Variants in PKHD1 observed in about 807,000 individuals in gnomAD.
PKHD1 encodes the protein PKHD1 ciliary IPT domain containing fibrocystin/polyductin, also known as fibrocystin.
A neutral mutation model predicts 412.0 loss-of-function variants in PKHD1; 291 were observed. The observed-to-expected ratio is 0.71, with a 90% CI of 0.64 to 0.78. The LOEUF (loss-of-function observed/expected upper bound fraction) is 0.78. Ranked by LOEUF, PKHD1 falls within the 30% of genes least tolerant of loss-of-function variation. The probability of loss-of-function intolerance (pLI) is 0.00; values close to 1 mark genes in which losing one functional copy is unlikely to be tolerated. For missense variants in PKHD1, 4,825 were observed against 4,950.7 expected, an observed-to-expected ratio of 0.97 and a Z score of 0.76; for synonymous variants, 1,777 against 1,821.5, an observed-to-expected ratio of 0.98 and a Z score of 0.62.
intron 50 of PKHD1, among the ~76,000 whole-genome samples, chr6:51,841,366 C>T (rs1220992816): frequency 9.7e-6 from 1 of 102,570 alleles, no homozygotes; most frequent in Non-Finnish European, 2.2e-5. Flanking sequence ...TCTAAGTTTC[C>T]TTCCCTTTCC....
At chr6:52,069,824 C>T (rs1810330792) in intron 10 of PKHD1, among the ~76,000 whole-genome samples, 1 of 152,126 alleles carries the variant, frequency 6.6e-6, no homozygotes, top group Non-Finnish European at 1.5e-5. Flanking sequence ...ACTCAATAGA[C>T]ATTAATTTTA....
intron 22 of PKHD1, among the ~76,000 whole-genome samples, chr6:52,049,033 C>A (rs557225785): frequency 6.6e-6 from 1 of 152,094 alleles, no homozygotes; most frequent in Non-Finnish European, 1.5e-5. Context: ...GCTGTAGGTA[C>A]GAGAACTCAT....
chr6:51,997,559 T>C (rs1797850693), intron 35 of PKHD1, among the ~76,000 whole-genome samples: 1 of 152,254 alleles, frequency 6.6e-6, no homozygotes, highest in Admixed American at 6.5e-5. Context: ...GGAAAGTTTC[T>C]TGATGCACAA....
chr6:51,781,592 A>C (rs1792017537), intron 53 of PKHD1, among the ~76,000 whole-genome samples: 1 of 152,120 alleles, frequency 6.6e-6, no homozygotes, highest in South Asian at 2.1e-4. Flanking sequence ...TAGGCACAAT[A>C]ATAGCATCCA....
Position 52,082,408 on chromosome 6 carries a change from C to G in PKHD1, c.265G>C (p.Val89Leu), listed in dbSNP as rs1393280209. Residue 89 changes from valine (V) to leucine (L), a missense_variant, in exon 4 of 67, where the codon GTG becomes CTG. Coordinates refer to ENST00000371117, the MANE Select transcript of PKHD1 (RefSeq NM_138694.4). The stretch of plus-strand genomic sequence containing the variant: ...CAGGTATACCTGGTCCGGCATGTCA[C>G]CACAGGCAAATCCAAGAAAACAGGA... ...VFPVFLDLPV[V>L]TCRTRSVLSE... 6.2e-7 allele frequency: 1 copy of G among 1,614,100 alleles called. No individual in the cohort carries two copies.
chr6:51,682,267 C>T (rs1275134660), intron 60 of PKHD1: 1 of 452,758 alleles, frequency 2.2e-6, no homozygotes, highest in Non-Finnish European at 4.4e-6. Flanking sequence ...AGAAACATAA[C>T]ACAATTTTCT....
At chr6:51,882,254 G>GA (rs143562741) in intron 46 of PKHD1, among the ~76,000 whole-genome samples, 179 of 150,150 alleles carry the variant, frequency 1.2e-3, no homozygotes, top group South Asian at 1.7e-3. Context: ...CTTTTAGAGG[G>GA]AAAAAAAAAC....
intron 35 of PKHD1, among the ~76,000 whole-genome samples, chr6:52,008,313 C>T (rs1799352382): frequency 6.6e-6 from 1 of 152,224 alleles, no homozygotes; most frequent in Non-Finnish European, 1.5e-5. Context: ...TGGCATCCAA[C>T]ATTCCACCCA....
chr6:51,863,861 T>C (rs1774611867), intron 48 of PKHD1, among the ~76,000 whole-genome samples: 2 of 152,204 alleles, frequency 1.3e-5, no homozygotes, highest in Non-Finnish European at 2.9e-5. Context: ...TTTTTATTTA[T>C]ATTTTTTTAC....
intron 4 of PKHD1, among the ~76,000 whole-genome samples, chr6:52,080,927 A>G (rs577799432): frequency 6.6e-6 from 1 of 152,310 alleles, no homozygotes; most frequent in South Asian, 2.1e-4. Context: ...ATTTTAAATT[A>G]CATTTGTGTT....
At chr6:51,691,512 TGA>T (rs1778153935) in intron 60 of PKHD1, among the ~76,000 whole-genome samples, 1 of 152,088 alleles carries the variant, frequency 6.6e-6, no homozygotes, top group Non-Finnish European at 1.5e-5. Context: ...GCAAGGACAT[TGA>T]TGAAGCTGAA....
chr6:51,764,392 A>G (rs1183426009), intron 55 of PKHD1, among the ~76,000 whole-genome samples: 1 of 148,554 alleles, frequency 6.7e-6, no homozygotes, highest in Non-Finnish European at 1.5e-5. Flanking sequence ...TAGAATGGCA[A>G]TCATTAAAAA....
At chr6:52,069,371 T>A (rs771916881) in intron 11 of PKHD1, 86 bp downstream of exon 11, 18 of 959,712 alleles carry the variant, frequency 1.9e-5, no homozygotes, top group Non-Finnish European at 3.1e-5. Context: ...TTAATGGTCA[T>A]CAAGAAATGG....
intron 43 of PKHD1, among the ~76,000 whole-genome samples, chr6:51,896,134 A>G (rs1779920709): frequency 6.6e-6 from 1 of 152,202 alleles, no homozygotes; most frequent in Non-Finnish European, 1.5e-5. Flanking sequence ...TAAACAAAGC[A>G]GCCCGGAAGC....
chr6:51,715,810 T>C (rs954531305), intron 60 of PKHD1, among the ~76,000 whole-genome samples: 3 of 152,140 alleles, frequency 2.0e-5, no homozygotes, highest in Non-Finnish European at 4.4e-5. Flanking sequence ...CATGTTTTTG[T>C]AACCAGGCTT....
chr6:51,750,523 G>A (rs993264345), intron 57 of PKHD1, among the ~76,000 whole-genome samples: 7 of 152,064 alleles, frequency 4.6e-5, no homozygotes, highest in East Asian at 3.9e-4. Context: ...TGTAGGGCAC[G>A]GCATGAGGGA....
chr6:51,982,855 A>AAAAATAAAATAAAATAAAATAAAAT (rs376352534), intron 35 of PKHD1, among the ~76,000 whole-genome samples: 1 of 126,004 alleles, frequency 7.9e-6, no homozygotes. Context: ...ATAAAAAAAT[A>AAAAATAAAATAAAATAAAATAAAAT]AAAATAAAAT....
chr6:51,883,054 G>T, intron 46 of PKHD1, 39 bp downstream of exon 46: 1 of 1,571,772 alleles, frequency 6.4e-7, no homozygotes, highest in Non-Finnish European at 8.8e-7. Flanking sequence ...TAATTTTGTT[G>T]TGATTGACAG....
At chr6:51,987,909 C>CT (rs2128057049) in intron 35 of PKHD1, among the ~76,000 whole-genome samples, 1 of 152,204 alleles carries the variant, frequency 6.6e-6, no homozygotes, top group Admixed American at 6.5e-5. Flanking sequence ...ACTCTGTGAC[C>CT]TTTGGTAGTC....
Sources: allele counts gnomAD v4.1 joint callset (sites outside exome capture counted in the v4.1 genomes callset), GRCh38; gene constraint gnomAD v4.1.1; transcripts MANE v1.5; gene names NCBI Gene and HGNC (gene_info 2026-07-23, HGNC 2026-07-21).